Variants in PDE10A observed in about 807,000 individuals in gnomAD.
PDE10A encodes the protein cAMP and cAMP-inhibited cGMP 3',5'-cyclic phosphodiesterase 10A.
In PDE10A, 39 loss-of-function variants were observed where a neutral mutation model predicts 97.7. The ratio of observed to expected loss-of-function variants is 0.40; its 90% CI spans 0.31 to 0.52. PDE10A has a LOEUF of 0.52. Among genes scored for constraint, PDE10A ranks in the 20% least tolerant of loss-of-function variants. PDE10A has a pLI of 0.56. For synonymous variants in PDE10A, 371 were observed against 376.8 expected (o/e 0.98, Z 0.18); for missense variants, 731 against 1,047.8 (o/e 0.70, Z 4.17).
At position 165,662,046 on chromosome 6, in the gene PDE10A, C is replaced by A; in HGVS notation, c.766G>T (p.Ala256Ser). 1 of 1,472,844 alleles carries A rather than the reference C, an allele frequency of 6.8e-7. No individual in the cohort carries two copies. Among genetic ancestry groups the A allele is most frequent in the South Asian group, 1.3e-5 (1 of 77,006 alleles). 91.2% of individuals were successfully genotyped at this position (1,472,844 alleles called of 1,614,324 possible). A position where few individuals can be genotyped will look rare whatever the true frequency, so the allele number is the denominator to read the frequency against. ...CCGAAGAGCAGCGCGGCCGCGGCGG[C>A]GAGGGCGAAGCTGGCGCCCTGGGGA... ...RRPQGASFALAAAAALLFGSD... is the reference protein window; with the variant it reads ...RRPQGASFALSAAAALLFGSD... The change falls in exon 1 of 22, where the codon GCC becomes TCC. Residue 256 changes from alanine (A) to serine (S), a missense_variant. By Grantham distance (99) the Ala-to-Ser change is moderately conservative. Coordinates refer to ENST00000539869, the MANE Select transcript of PDE10A (RefSeq NM_001385079.1).
chr6:165,758,598 CAGCAGCAGAAGA>C (rs779270626), intron 1 of PDE10A, among the ~76,000 whole-genome samples: 70 of 147,114 alleles, frequency 4.8e-4, no homozygotes, highest in Middle Eastern at 3.5e-3. Context: ...GAAAAAGAGG[CAGCAGCAGAAGA>C]AGCAGCAGAA....
intron 1 of PDE10A, among the ~76,000 whole-genome samples, chr6:165,587,847 C>T (rs1020990897): frequency 1.2e-4 from 18 of 152,244 alleles, no homozygotes; most frequent in African/African-American, 4.1e-4. Flanking sequence ...GGTTAAACAC[C>T]TCATAAAGGT....
At chr6:165,438,162 C>T (rs2128241616) in intron 5 of PDE10A, among the ~76,000 whole-genome samples, 1 of 152,196 alleles carries the variant, frequency 6.6e-6, no homozygotes, top group Non-Finnish European at 1.5e-5. Flanking sequence ...TACACTTCAT[C>T]CTCAAAGACG....
At chr6:165,595,152 C>G (rs985229636) in intron 1 of PDE10A, among the ~76,000 whole-genome samples, 1 of 152,280 alleles carries the variant, frequency 6.6e-6, no homozygotes, top group Non-Finnish European at 1.5e-5. Context: ...AAATGGCTCC[C>G]TTAAGCCCTA....
At chr6:165,448,662 A>G (rs1290002533) in intron 5 of PDE10A, among the ~76,000 whole-genome samples, 2 of 152,024 alleles carry the variant, frequency 1.3e-5, no homozygotes, top group Non-Finnish European at 2.9e-5. Flanking sequence ...CACTAAATCT[A>G]GAAATGCCAT....
intron 3 of PDE10A, among the ~76,000 whole-genome samples, chr6:165,470,759 G>A (rs1356291311): frequency 1.3e-5 from 2 of 151,922 alleles, no homozygotes; most frequent in Non-Finnish European, 2.9e-5. Flanking sequence ...GGAGGACCTG[G>A]GAGGCTGACA....
At chr6:165,958,498 C>CAAGG (rs1784214571) in intron 1 of PDE10A, among the ~76,000 whole-genome samples, 1 of 57,718 alleles carries the variant, frequency 1.7e-5, no homozygotes, top group Non-Finnish European at 3.5e-5. Flanking sequence ...GAGAGAAAGA[C>CAAGG]AAGAAAGAAA....
intron 2 of PDE10A, among the ~76,000 whole-genome samples, chr6:165,507,090 G>C (rs914970341): frequency 4.6e-5 from 7 of 151,742 alleles, no homozygotes; most frequent in African/African-American, 1.7e-4. Flanking sequence ...CTTACAACTA[G>C]GTTTTTATTT....
At chr6:165,795,042 C>T (rs1289605354) in intron 1 of PDE10A, among the ~76,000 whole-genome samples, 2 of 152,166 alleles carry the variant, frequency 1.3e-5, no homozygotes, top group Non-Finnish European at 2.9e-5. Flanking sequence ...CAAAACAGGG[C>T]TGTCACTTTA....
At chr6:165,915,314 T>TA (rs1453848554) in intron 1 of PDE10A, among the ~76,000 whole-genome samples, 4 of 152,132 alleles carry the variant, frequency 2.6e-5, no homozygotes, top group Non-Finnish European at 5.9e-5. Flanking sequence ...TAACGATTTT[T>TA]AAAAAATTGA....
intron 1 of PDE10A, among the ~76,000 whole-genome samples, chr6:165,747,026 T>C (rs1362782533): frequency 6.6e-6 from 1 of 152,222 alleles, no homozygotes. Context: ...CATCTTGCTT[T>C]AGATGTTTTA....
In PDE10A at chr6:165,637,279, A is replaced by G. The variant is rs575611773; in HGVS notation, c.865+24668T>C. On this transcript the variant is annotated intron_variant, in intron 1 of 21. Transcript: ENST00000539869. ...CACAGATCAAGGCTGAAGCAATAAA[A>G]AACAATCAAAACAACCACCACCACC... is the stretch of plus-strand genomic sequence containing the variant. Among the ~76,000 whole-genome samples, 14 of 152,208 alleles carry G rather than the reference A, an allele frequency of 9.2e-5. No homozygotes were observed. The South Asian group carries it at 2.9e-3, about 32-fold the overall frequency.
At chr6:165,639,978 G>C (rs970570817) in intron 1 of PDE10A, among the ~76,000 whole-genome samples, 1 of 151,486 alleles carries the variant, frequency 6.6e-6, no homozygotes, top group African/African-American at 2.4e-5. Flanking sequence ...GCTCAGGCAG[G>C]ATGATCACCT....
At chr6:165,584,978 C>A (rs541343444) in intron 1 of PDE10A, among the ~76,000 whole-genome samples, 1 of 152,268 alleles carries the variant, frequency 6.6e-6, no homozygotes, top group South Asian at 2.1e-4. Flanking sequence ...ATGAGTATTT[C>A]TTATTTTGTT....
chr6:165,358,436 A>G (rs2128190716), intron 18 of PDE10A, among the ~76,000 whole-genome samples: 1 of 151,530 alleles, frequency 6.6e-6, no homozygotes, highest in South Asian at 2.1e-4. Flanking sequence ...TTTCAGAGTA[A>G]ACTTGACCTC....
intron 18 of PDE10A, 48 bp from the exon 19 acceptor site, chr6:165,343,550 A>C (rs1213433173): frequency 3.0e-6 from 4 of 1,311,718 alleles, no homozygotes; most frequent in Non-Finnish European, 4.4e-6. Flanking sequence ...TTGCACATTT[A>C]TAGTAAGGAC....
chr6:165,769,407 A>G (rs1302270775), intron 1 of PDE10A, among the ~76,000 whole-genome samples: 1 of 152,202 alleles, frequency 6.6e-6, no homozygotes, highest in African/African-American at 2.4e-5. Context: ...TAGTCTATTG[A>G]AATTATAACC....
rs147406113 is a variant in PDE10A at position 165,934,934 on chromosome 6, C to T, written c.-615+52595G>A. Among the ~76,000 whole-genome samples the T allele has an allele frequency of 1.7e-4, 26 of 152,234 alleles. No homozygotes were observed. In the South Asian group the frequency reaches 4.4e-3, roughly 26 times the overall value. ...GGCACTATCATTTCCATTATTAATG[C>T]GAAGAACACATATCCAAGTGTGTGA... On this transcript the variant is annotated intron_variant, in intron 1 of 19. Transcript: ENST00000366882.
intron 1 of PDE10A, among the ~76,000 whole-genome samples, chr6:165,779,929 G>A (rs1778301111): frequency 6.6e-6 from 1 of 152,140 alleles, no homozygotes; most frequent in African/African-American, 2.4e-5. Flanking sequence ...TCACTCCGCT[G>A]GGCCACGAAT....
Sources: allele counts gnomAD v4.1 joint callset (sites outside exome capture counted in the v4.1 genomes callset), GRCh38; gene constraint gnomAD v4.1.1; transcripts MANE v1.5; gene names NCBI Gene and HGNC (gene_info 2026-07-23, HGNC 2026-07-21).